The following IQCM variants were observed in gnomAD, a reference collection of about 807,000 sequenced individuals.
The protein encoded by IQCM is IQ domain-containing protein M.
IQCM carries 45 observed loss-of-function variants against 57.6 expected under a neutral mutation model. The ratio of observed to expected loss-of-function variants is 0.78; its 90% confidence interval spans 0.62 to 1.00. IQCM has a LOEUF of 1.00. IQCM is among the 50% of genes least tolerant of loss of function. The pLI is 0.00. For synonymous variants in IQCM, 148 were observed against 158.9 expected (o/e 0.93, Z 0.51); for missense variants, 468 against 511.6 (o/e 0.91, Z 0.82).
intron 9 of IQCM, among the ~76,000 whole-genome samples, chr4:149,575,266 T>C (rs981097135): frequency 6.6e-6 from 1 of 151,920 alleles, no homozygotes; most frequent in Non-Finnish European, 1.5e-5. Context: ...TTGAAAACAA[T>C]GCATTAAATT....
chr4:149,525,563 C>T (rs984878236), intron 12 of IQCM, among the ~76,000 whole-genome samples: 1 of 151,792 alleles, frequency 6.6e-6, no homozygotes, highest in Admixed American at 6.6e-5. Flanking sequence ...TATTGATATA[C>T]ACAAATATCT....
intron 11 of IQCM, among the ~76,000 whole-genome samples, chr4:149,550,753 G>A (rs972068622): frequency 2.6e-5 from 4 of 152,080 alleles, no homozygotes; most frequent in East Asian, 1.9e-4. Flanking sequence ...ATCAACACAC[G>A]GAAAGGATGA....
rs150340255 is a variant in IQCM at position 149,555,289 on chromosome 4, G to C, written c.949-2002C>G. On this transcript the variant is annotated intron_variant, in intron 10 of 13. Transcript: ENST00000636793. ...GCACATTCCCTACATATGAATCTTAGTGGGAGGCAGAACTCACTTCCCACA... is the reference window on the plus strand; with the variant it reads ...GCACATTCCCTACATATGAATCTTACTGGGAGGCAGAACTCACTTCCCACA... Among the ~76,000 whole-genome samples the C allele has an allele frequency of 1.5e-3, 230 of 152,198 alleles. 1 individual carries two copies. Among genetic ancestry groups the C allele is most frequent in the African/African-American group, 5.2e-3 (218 of 41,546 alleles).
At chr4:149,486,016 A>AGT (rs1404422147) in intron 12 of IQCM, among the ~76,000 whole-genome samples, 3 of 109,552 alleles carry the variant, frequency 2.7e-5, no homozygotes, top group Non-Finnish European at 6.2e-5. Context: ...AAGCAAACAG[A>AGT]GTCTCTCTCT....
intron 8 of IQCM, among the ~76,000 whole-genome samples, chr4:149,607,764 C>T (rs1303707989): frequency 2.0e-5 from 3 of 151,168 alleles, no homozygotes; most frequent in Non-Finnish European, 4.4e-5. Context: ...AGCCACAAAA[C>T]AAAAATCTAT....
At chr4:149,551,329 C>T (rs1749008733) in intron 11 of IQCM, among the ~76,000 whole-genome samples, 1 of 152,142 alleles carries the variant, frequency 6.6e-6, no homozygotes, top group African/African-American at 2.4e-5. Flanking sequence ...CTAGAAAGCA[C>T]CAGAGTCCAG....
At chr4:149,613,376 G>T (rs1322843892) in intron 8 of IQCM, among the ~76,000 whole-genome samples, 1 of 152,034 alleles carries the variant, frequency 6.6e-6, no homozygotes, top group Non-Finnish European at 1.5e-5. Context: ...ATTTTAAAAA[G>T]ATGTTGAAAT....
At chr4:149,517,286 A>T (rs1272911226) in intron 12 of IQCM, among the ~76,000 whole-genome samples, 1 of 152,180 alleles carries the variant, frequency 6.6e-6, no homozygotes, top group Non-Finnish European at 1.5e-5. Flanking sequence ...TTTTGTTAAA[A>T]ACATGTTTGT....
chr4:149,701,062 A>G (rs1269898677), intron 5 of IQCM, among the ~76,000 whole-genome samples: 1 of 152,002 alleles, frequency 6.6e-6, no homozygotes, highest in Non-Finnish European at 1.5e-5. Context: ...CTTCCCAAAA[A>G]TGAGGCATAC....
chr4:149,788,155 G>T (rs553375707), intron 2 of IQCM, among the ~76,000 whole-genome samples: 1 of 152,084 alleles, frequency 6.6e-6, no homozygotes, highest in African/African-American at 2.4e-5. Context: ...CCAACATGGT[G>T]AAACTCTGTC....
At chr4:149,604,791 T>G (rs1189306860) in intron 8 of IQCM, among the ~76,000 whole-genome samples, 2 of 152,182 alleles carry the variant, frequency 1.3e-5, no homozygotes, top group Admixed American at 1.3e-4. Flanking sequence ...CAGTTTGTTC[T>G]CTTTCATTAC....
At chr4:149,785,283 T>A (rs896352978) in intron 2 of IQCM, among the ~76,000 whole-genome samples, 1 of 152,216 alleles carries the variant, frequency 6.6e-6, no homozygotes, top group Non-Finnish European at 1.5e-5. Context: ...CCTTTGAGAC[T>A]GAGGCAGCTG....
At chr4:149,801,275 C>T (rs868694382) in intron 2 of IQCM, among the ~76,000 whole-genome samples, 2 of 151,766 alleles carry the variant, frequency 1.3e-5, no homozygotes, top group East Asian at 3.9e-4. Flanking sequence ...CAAGAACCCT[C>T]GTACACTGTT....
chr4:149,616,732 G>A (rs766696317), intron 8 of IQCM, among the ~76,000 whole-genome samples: 26 of 152,096 alleles, frequency 1.7e-4, no homozygotes, highest in Non-Finnish European at 2.8e-4. Context: ...CATGTTGGGC[G>A]GCAGCGGGGT....
In IQCM at chr4:149,628,394, A is replaced by G. The variant is rs181403704; in HGVS notation, c.566-7150T>C. Among the ~76,000 whole-genome samples, 143 of 152,312 alleles carry G rather than the reference A, an allele frequency of 9.4e-4. 1 individual carries two copies. Among genetic ancestry groups the G allele is most frequent in the African/African-American group, 3.2e-3 (132 of 41,592 alleles). On this transcript the variant is annotated intron_variant, in intron 7 of 13. Transcript: ENST00000636793. ...AAAAGGGAAGAAATACAAAGAAACCAAAAATGTAATGGCAGAATAAAAATG... is the reference window on the plus strand; with the variant it reads ...AAAAGGGAAGAAATACAAAGAAACCGAAAATGTAATGGCAGAATAAAAATG...
At chr4:149,760,088 G>T (rs1769361924) in intron 2 of IQCM, among the ~76,000 whole-genome samples, 1 of 152,018 alleles carries the variant, frequency 6.6e-6, no homozygotes, top group Non-Finnish European at 1.5e-5. Context: ...GGCTGAAGAT[G>T]ATGGGGAGAG....
Position 149,630,551 on chromosome 4 carries a change from C to A in IQCM, c.566-9307G>T, listed in dbSNP as rs529230900. Among the ~76,000 whole-genome samples the A allele has an allele frequency of 1.2e-3, 183 of 152,198 alleles. 2 individuals are homozygous for A. In the South Asian group the frequency reaches 0.015, roughly 13 times the overall value. On this transcript the variant is annotated intron_variant, in intron 7 of 13. Coordinates refer to ENST00000636793, the MANE Select transcript of IQCM (RefSeq NM_001363507.2). ...AATAATTAATTAGTTTTTCATTTATCTCACATAATTTGATTTTTAAAAAAA... is the reference window on the plus strand; with the variant it reads ...AATAATTAATTAGTTTTTCATTTATATCACATAATTTGATTTTTAAAAAAA...
chr4:149,605,722 TG>T (rs529028821), intron 8 of IQCM, among the ~76,000 whole-genome samples: 260 of 152,288 alleles, frequency 1.7e-3, no homozygotes, highest in Admixed American at 2.8e-3. Flanking sequence ...GCAGTGAACT[TG>T]GGGTGTACAT....
chr4:149,813,455 C>A (rs531448849), intron 2 of IQCM, among the ~76,000 whole-genome samples: 3 of 151,758 alleles, frequency 2.0e-5, no homozygotes, highest in Non-Finnish European at 4.4e-5. Context: ...AGTACTACAC[C>A]CAAGAAAGCT....
Sources: gnomAD v4.1 joint callset for allele counts (sites outside exome capture counted in the v4.1 genomes callset) on GRCh38, gnomAD v4.1.1 for gene constraint, MANE v1.5 for transcripts, NCBI Gene and HGNC (gene_info 2026-07-23, HGNC 2026-07-21) for gene names.